The following ENPP1 variants were observed in gnomAD, a reference collection of about 807,000 sequenced individuals.
The protein encoded by ENPP1 is ectonucleotide pyrophosphatase/phosphodiesterase 1.
ENPP1 carries 73 observed loss-of-function variants against 122.8 expected under a neutral mutation model. That is an observed-to-expected ratio of 0.59 (90% CI 0.49 to 0.72). The LOEUF (loss-of-function observed/expected upper bound fraction) is 0.72. Ranked by LOEUF, ENPP1 falls within the 30% of genes least tolerant of loss-of-function variation. The pLI is 0.00. For synonymous variants in ENPP1, 367 were observed against 391.6 expected, an observed-to-expected ratio of 0.94 and a Z score of 0.74; for missense variants, 978 against 1,128.1, an observed-to-expected ratio of 0.87 and a Z score of 1.91.
chr6:131,814,397 G>T lies in ENPP1; in HGVS notation c.240+6122G>T, dbSNP rs185756587. On this transcript the variant is annotated intron_variant, in intron 1 of 24. Transcript: ENST00000647893. ...GTGGGAAGTCACTGTGAATCCTGCT[G>T]ACCTAAAGAAAAAAAAAACCAAGGC... 2.0e-3 allele frequency among the ~76,000 whole-genome samples: 310 copies of T among 151,786 alleles called. 1 individual carries two copies. The Middle Eastern group carries it at 0.021, about 10-fold the overall frequency.
At chr6:131,870,186 C>A (rs1782143572) in intron 13 of ENPP1, among the ~76,000 whole-genome samples, 1 of 152,078 alleles carries the variant, frequency 6.6e-6, no homozygotes, top group East Asian at 1.9e-4. Context: ...ATTAAAATTA[C>A]TTAGTTTGGG....
chr6:131,870,587 G>A (rs1454880587), intron 13 of ENPP1, among the ~76,000 whole-genome samples: 1 of 152,104 alleles, frequency 6.6e-6, no homozygotes, highest in Non-Finnish European at 1.5e-5. Flanking sequence ...GGTCTATTTG[G>A]TAAGATATGT....
chr6:131,845,536 A>G (rs941687643), intron 1 of ENPP1, among the ~76,000 whole-genome samples: 5 of 148,730 alleles, frequency 3.4e-5, no homozygotes, highest in African/African-American at 9.9e-5. Context: ...TGCTCACTGC[A>G]ACCTCCGCCT....
chr6:131,855,175 C>A, intron 6 of ENPP1, 152 bp downstream of exon 6: 1 of 684,884 alleles, frequency 1.5e-6, no homozygotes, highest in Non-Finnish European at 2.6e-6. Context: ...AGGCGCTTAT[C>A]TTTAATAGTG....
At chr6:131,814,167 C>T (rs369287858) in intron 1 of ENPP1, among the ~76,000 whole-genome samples, 9 of 152,232 alleles carry the variant, frequency 5.9e-5, no homozygotes, top group Admixed American at 2.6e-4. Context: ...AGATTTCTGG[C>T]GGAGCATAGA....
At chr6:131,867,481 T>A (rs1782105465) in intron 11 of ENPP1, among the ~76,000 whole-genome samples, 1 of 152,156 alleles carries the variant, frequency 6.6e-6, no homozygotes, top group Non-Finnish European at 1.5e-5. Context: ...ATTTAGAAAA[T>A]TAAATACATT....
At chr6:131,857,161 A>G (rs1235324912) in intron 6 of ENPP1, among the ~76,000 whole-genome samples, 1 of 151,460 alleles carries the variant, frequency 6.6e-6, no homozygotes, top group Non-Finnish European at 1.5e-5. Context: ...CAGGTGCTGG[A>G]GAGGATGTGG....
rs1554204186 is a variant in ENPP1 at position 131,871,073 on chromosome 6, T to TA, written c.1406-986dup. 8.3e-3 allele frequency among the ~76,000 whole-genome samples: 1,189 copies of TA among 142,560 alleles called. 9 individuals are homozygous for TA. The highest frequency in any genetic ancestry group is 0.033 in the South Asian group (148 of 4,486). The allele number at this position is 142,560 out of a possible 152,430, so 93.5% of individuals were successfully genotyped here. A position where few individuals can be genotyped will look rare whatever the true frequency, so the allele number is the denominator to read the frequency against. ...CCTGGTGACAGAGAGAGACTCCATC[T>TA]AAAAAAAAAAAGCTCTACAGGCAAT... On this transcript the variant is annotated intron_variant, in intron 13 of 24. Transcript: ENST00000647893.
At chr6:131,866,954 C>A (rs147752381) in intron 11 of ENPP1, among the ~76,000 whole-genome samples, 2 of 152,288 alleles carry the variant, frequency 1.3e-5, no homozygotes, top group African/African-American at 4.8e-5. Flanking sequence ...TCATTTTATA[C>A]TTGTTTATAA....
chr6:131,890,723 A>G lies in ENPP1; in HGVS notation c.*212A>G. ...CTTGCACATATTTGAATGTGTAAGC[A>G]TTGTATACATTGATCAAGTTCGGGG... On this transcript the variant is annotated 3_prime_UTR_variant, in exon 25 of 25. Transcript: ENST00000647893. 2.1e-5 allele frequency: 12 copies of G among 577,906 alleles called. No homozygotes were observed. Among genetic ancestry groups the G allele is most frequent in the South Asian group, 2.0e-4 (10 of 48,806 alleles). The allele number at this position is 577,906 out of a possible 1,614,324, so 35.8% of individuals were successfully genotyped here. A position where few individuals can be genotyped will look rare whatever the true frequency, so the allele number is the denominator to read the frequency against.
chr6:131,882,242 A>T, intron 20 of ENPP1, 103 bp from the exon 21 acceptor site: 1 of 951,656 alleles, frequency 1.1e-6, no homozygotes, highest in Non-Finnish European at 1.6e-6. Flanking sequence ...GCTGACAGCT[A>T]GAGCTTCATA....
chr6:131,880,082 T>C, intron 20 of ENPP1, 48 bp downstream of exon 20: 1 of 1,532,468 alleles, frequency 6.5e-7, no homozygotes, highest in Non-Finnish European at 9.0e-7. Context: ...AATTAATGAT[T>C]AAGCAGAACA....
At chr6:131,849,402 T>C (rs1474599149) in intron 2 of ENPP1, among the ~76,000 whole-genome samples, 1 of 152,152 alleles carries the variant, frequency 6.6e-6, no homozygotes, top group East Asian at 1.9e-4. Flanking sequence ...AGGAAAGCTT[T>C]TTAGAGGGAG....
intron 1 of ENPP1, among the ~76,000 whole-genome samples, chr6:131,834,623 T>A (rs1446770846): frequency 6.6e-6 from 1 of 151,064 alleles, no homozygotes; most frequent in East Asian, 2.0e-4. Flanking sequence ...CTCCGCCTCC[T>A]GGGTTCAAGC....
chr6:131,864,571 G>A lies in ENPP1; in HGVS notation c.1091G>A (p.Arg364Lys), dbSNP rs1378965131. The part of the protein sequence containing the change: ...LQWLQLPKDE[R>K]PHFYTLYLEE... The stretch of plus-strand genomic sequence containing the variant: ...TGGCTACAGCTTCCTAAAGATGAAA[G>A]GTCTGTAGGCAATTAATTTCTATTG... Residue 364 changes from arginine (R) to lysine (K), a missense_variant and splice_region_variant, in exon 10 of 25, where the codon AGA (arginine) becomes AAA (lysine). Arg to Lys is a conservative substitution (Grantham distance 26, BLOSUM62 2). Transcript: ENST00000647893. The A allele has an allele frequency of 1.3e-6, 2 of 1,591,218 alleles. No individual in the cohort carries two copies. Among genetic ancestry groups the A allele is most frequent in the Non-Finnish European group, 1.7e-6 (2 of 1,159,744 alleles).
intron 1 of ENPP1, among the ~76,000 whole-genome samples, chr6:131,838,049 C>G (rs918262641): frequency 2.1e-4 from 32 of 151,966 alleles, no homozygotes; most frequent in African/African-American, 7.2e-4. Flanking sequence ...ATGAAAGACA[C>G]CAATCTTTAG....
At chr6:131,838,649 AGAGT>A (rs367794958) in intron 1 of ENPP1, among the ~76,000 whole-genome samples, 8 of 152,018 alleles carry the variant, frequency 5.3e-5, no homozygotes, top group African/African-American at 1.7e-4. Flanking sequence ...AAGAAAAATA[AGAGT>A]AAGACCAGAA....
rs1157666846 is a variant in ENPP1 at position 131,872,955 on chromosome 6, C to A, written c.1470C>A (p.Tyr490Ter). 1.2e-6 allele frequency: 2 copies of A among 1,613,760 alleles called. No individual in the cohort carries two copies. The highest frequency in any genetic ancestry group is 3.3e-5 in the Admixed American group (2 of 59,994). Residue 490 changes from tyrosine (Y) to a stop codon, truncating the protein, a stop_gained, in exon 15 of 25, where the codon TAC becomes TAA. Transcript: ENST00000647893. LOFTEE classifies it high-confidence loss of function. ...AACCAAACCAGCACTTCAAACCTTA[C>A]CTGAAACATTTCTTACCTAAGCGTT... ...CREPNQHFKP[Y>*]LKHFLPKRLH...
At chr6:131,839,201 T>A (rs1403936780) in intron 1 of ENPP1, among the ~76,000 whole-genome samples, 4 of 152,184 alleles carry the variant, frequency 2.6e-5, no homozygotes, top group East Asian at 1.9e-4. Flanking sequence ...ATACTTGATA[T>A]TAGGACTCTT....
Sources: gnomAD v4.1 joint callset for allele counts (sites outside exome capture counted in the v4.1 genomes callset) on GRCh38, gnomAD v4.1.1 for gene constraint, MANE v1.5 for transcripts, NCBI Gene and HGNC (gene_info 2026-07-23, HGNC 2026-07-21) for gene names.